The following CCDC141 variants were observed in gnomAD, a reference collection of about 807,000 sequenced individuals.
CCDC141 encodes the protein coiled-coil domain-containing protein 141.
A neutral mutation model predicts 181.0 loss-of-function variants in CCDC141; 168 were observed. The observed-to-expected ratio is 0.93, with a 90% CI of 0.82 to 1.05. The LOEUF is 1.05. Ranked by LOEUF, CCDC141 falls within the 50% of genes least tolerant of loss-of-function variation. The pLI is 0.00. For synonymous variants in CCDC141, 666 were observed against 642.3 expected (o/e 1.04, Z -0.56); for missense variants, 1,902 against 1,788.5 (o/e 1.06, Z -1.14).
In CCDC141 at chr2:179,037,341, T is replaced by C. The variant is rs143858936; in HGVS notation, c.225+9943A>G. 2.3e-3 allele frequency among the ~76,000 whole-genome samples: 357 copies of C among 152,332 alleles called. 2 individuals carry two copies. Among genetic ancestry groups the C allele is most frequent in the African/African-American group, 8.2e-3 (340 of 41,568 alleles). On this transcript the variant is annotated intron_variant, in intron 2 of 23. Coordinates refer to ENST00000443758, the MANE Select transcript of CCDC141 (RefSeq NM_173648.4). The stretch of plus-strand genomic sequence containing the variant: ...GTCAACAGGAGCACAGGGAAAGAGA[T>C]AAAGTGGCTCCTGTATAAACTAAGC...
chr2:178,862,376 G>A (rs1424341225), intron 17 of CCDC141, among the ~76,000 whole-genome samples: 1 of 152,176 alleles, frequency 6.6e-6, no homozygotes, highest in Non-Finnish European at 1.5e-5. Context: ...TGAGCCTCGA[G>A]TTACAAATTT....
intron 8 of CCDC141, among the ~76,000 whole-genome samples, chr2:178,899,757 T>A (rs1489490): frequency 0.38 from 58,400 of 151,984 alleles, 13,584 homozygotes; most frequent in South Asian, 0.54. Flanking sequence ...GAAATTTACA[T>A]TGATTTCCAT....
intron 6 of CCDC141, among the ~76,000 whole-genome samples, chr2:178,936,920 G>A (rs951954149): frequency 1.3e-5 from 2 of 152,116 alleles, no homozygotes; most frequent in African/African-American, 4.8e-5. Flanking sequence ...GTATAGGAAT[G>A]CTAATTATTT....
chr2:178,953,888 G>C (rs542916982), intron 5 of CCDC141, among the ~76,000 whole-genome samples: 1 of 152,336 alleles, frequency 6.6e-6, no homozygotes, highest in Non-Finnish European at 1.5e-5. Context: ...CCAGACACAA[G>C]ATTGGTGCCC....
chr2:178,838,259 G>A (rs746887445), intron 22 of CCDC141, among the ~76,000 whole-genome samples: 34 of 152,174 alleles, frequency 2.2e-4, no homozygotes, highest in Admixed American at 6.5e-4. Context: ...TACATAAAAT[G>A]TACCACTTCA....
intron 1 of CCDC141, among the ~76,000 whole-genome samples, chr2:179,048,773 A>G (rs1575391536): frequency 6.6e-6 from 1 of 152,218 alleles, no homozygotes; most frequent in South Asian, 2.1e-4. Flanking sequence ...ACAACACCAG[A>G]AAATCCACCT....
At chr2:179,000,169 G>C (rs1248750169) in intron 2 of CCDC141, among the ~76,000 whole-genome samples, 1 of 151,676 alleles carries the variant, frequency 6.6e-6, no homozygotes, top group East Asian at 1.9e-4. Context: ...CCTGCCATCT[G>C]TTTTTGTATG....
intron 7 of CCDC141, among the ~76,000 whole-genome samples, chr2:178,918,222 C>T (rs1688535726): frequency 6.6e-6 from 1 of 151,526 alleles, no homozygotes; most frequent in African/African-American, 2.4e-5. Context: ...CCAGCCTGCA[C>T]AACATAGCAA....
chr2:178,933,003 A>G (rs973802722), intron 6 of CCDC141, among the ~76,000 whole-genome samples: 4 of 152,118 alleles, frequency 2.6e-5, no homozygotes, highest in Admixed American at 6.5e-5. Flanking sequence ...ATCTCCAAAT[A>G]ATATTATTTG....
At chr2:179,036,739 A>G (rs981838651) in intron 2 of CCDC141, among the ~76,000 whole-genome samples, 3 of 152,240 alleles carry the variant, frequency 2.0e-5, no homozygotes, top group African/African-American at 7.2e-5. Context: ...ATGTTGTTCC[A>G]GTCACCTTCT....
intron 5 of CCDC141, among the ~76,000 whole-genome samples, chr2:178,955,998 G>A (rs943075801): frequency 3.3e-5 from 5 of 152,140 alleles, no homozygotes; most frequent in Admixed American, 6.5e-5. Flanking sequence ...TTGGGCCTTC[G>A]TTATCTTTTT....
rs567991689 is a variant in CCDC141, at chr2:178,957,610, C to CT, written c.780+3619dup. Among the ~76,000 whole-genome samples the CT allele has an allele frequency of 3.9e-5, 6 of 152,336 alleles. No individual in the cohort carries two copies. In the East Asian group the frequency reaches 1.2e-3, roughly 29 times the overall value. On this transcript the variant is annotated intron_variant, in intron 5 of 23. Coordinates refer to ENST00000443758, the MANE Select transcript of CCDC141 (RefSeq NM_173648.4). ...TGAAAACTTGTGTTCACATAAAAAG[C>CT]TGCACATGGATGCCCATAACAGCTT...
At chr2:178,911,928 T>C (rs1335273754) in intron 7 of CCDC141, among the ~76,000 whole-genome samples, 1 of 152,224 alleles carries the variant, frequency 6.6e-6, no homozygotes. Context: ...AAGCTTAAAA[T>C]TTGTGTTCCT....
At chr2:178,870,058 C>G (rs1197583099) in intron 14 of CCDC141, among the ~76,000 whole-genome samples, 2 of 151,744 alleles carry the variant, frequency 1.3e-5, no homozygotes, top group Non-Finnish European at 2.9e-5. Flanking sequence ...ATGGCAGAAC[C>G]CTGTCTCTAC....
At chr2:179,016,238 T>G (rs1281131766) in intron 2 of CCDC141, among the ~76,000 whole-genome samples, 1 of 151,822 alleles carries the variant, frequency 6.6e-6, no homozygotes, top group East Asian at 1.9e-4. Context: ...ACAAATATGA[T>G]GCGGTGTATA....
intron 2 of CCDC141, among the ~76,000 whole-genome samples, chr2:179,037,924 C>T (rs1244321758): frequency 6.6e-6 from 1 of 152,206 alleles, no homozygotes; most frequent in Non-Finnish European, 1.5e-5. Flanking sequence ...AAAGTTGATG[C>T]AGTTGCTGCG....
intron 2 of CCDC141, among the ~76,000 whole-genome samples, chr2:179,034,399 C>T (rs1449906818): frequency 6.6e-6 from 1 of 152,106 alleles, no homozygotes; most frequent in Admixed American, 6.6e-5. Context: ...TAGTAGGGTG[C>T]TAGGCTGAAT....
At chr2:179,015,115 AATCATATATATATATC>A (rs1559048863) in intron 2 of CCDC141, among the ~76,000 whole-genome samples, 25 of 24,968 alleles carry the variant, frequency 1.0e-3, no homozygotes, top group Non-Finnish European at 2.3e-3. Flanking sequence ...ATATATATAT[AATCATATATATATATC>A]ATATCATATA....
intron 2 of CCDC141, among the ~76,000 whole-genome samples, chr2:178,998,117 A>ATGTG (rs1341383637): frequency 6.6e-6 from 1 of 152,082 alleles, no homozygotes; most frequent in Non-Finnish European, 1.5e-5. Context: ...GAATATTTGT[A>ATGTG]TATTGATTTC....
Sources: allele counts gnomAD v4.1 joint callset (sites outside exome capture counted in the v4.1 genomes callset), GRCh38; gene constraint gnomAD v4.1.1; transcripts MANE v1.5; gene names NCBI Gene and HGNC (gene_info 2026-07-23, HGNC 2026-07-21).